LRRTM4: variants seen among roughly 807,000 people sequenced by gnomAD.
LRRTM4 encodes leucine-rich repeat transmembrane neuronal protein 4.
Under a neutral mutation model 47.6 loss-of-function variants are expected in LRRTM4, and 25 were observed. The observed-to-expected ratio is 0.53, with a 90% CI of 0.38 to 0.73. LRRTM4 has a LOEUF of 0.73. LRRTM4 is among the 30% of genes least tolerant of loss of function. LRRTM4 has a pLI of 0.00. For missense variants in LRRTM4, 638 were observed against 713.4 expected (o/e 0.89, Z 1.20); for synonymous variants, 311 against 269.5 (o/e 1.15, Z -1.51).
intron 3 of LRRTM4, among the ~76,000 whole-genome samples, chr2:76,818,837 T>A (rs756847512): frequency 1.3e-5 from 2 of 151,726 alleles, no homozygotes; most frequent in African/African-American, 2.4e-5. Flanking sequence ...ACTGAAATAA[T>A]CACATAAACT....
intron 3 of LRRTM4, among the ~76,000 whole-genome samples, chr2:76,934,815 T>C (rs1228081771): frequency 6.6e-6 from 1 of 152,146 alleles, no homozygotes; most frequent in Admixed American, 6.5e-5. Flanking sequence ...TATGAAGAAA[T>C]CCTGTAGACA....
At chr2:76,759,487 G>A (rs758613552) in intron 3 of LRRTM4, among the ~76,000 whole-genome samples, 3 of 152,062 alleles carry the variant, frequency 2.0e-5, no homozygotes, top group Non-Finnish European at 4.4e-5. Context: ...GATCTTACAG[G>A]GACACTCTTA....
intron 3 of LRRTM4, among the ~76,000 whole-genome samples, chr2:77,053,513 A>C (rs1474292813): frequency 6.6e-6 from 1 of 152,206 alleles, no homozygotes; most frequent in Non-Finnish European, 1.5e-5. Flanking sequence ...GACTACATTT[A>C]AAGTTTGCTT....
chr2:76,967,351 C>T (rs1255226970), intron 3 of LRRTM4, among the ~76,000 whole-genome samples: 1 of 151,498 alleles, frequency 6.6e-6, no homozygotes. Flanking sequence ...GAGATACTAA[C>T]AACACTATAT....
chr2:77,521,476 AT>A (rs537517281), intron 2 of LRRTM4, among the ~76,000 whole-genome samples, 191 bp downstream of exon 2: 72 of 138,670 alleles, frequency 5.2e-4, no homozygotes, highest in African/African-American at 1.8e-3. Flanking sequence ...GCATTTATAG[AT>A]TAAAAAAAAA....
chr2:77,287,264 G>A (rs1676691605), intron 3 of LRRTM4, among the ~76,000 whole-genome samples: 1 of 151,962 alleles, frequency 6.6e-6, no homozygotes, highest in Non-Finnish European at 1.5e-5. Context: ...ACCTTGTGTT[G>A]TTTTAGAACT....
chr2:77,075,625 T>TA (rs1226966392), intron 3 of LRRTM4, among the ~76,000 whole-genome samples: 1 of 152,004 alleles, frequency 6.6e-6, no homozygotes, highest in Non-Finnish European at 1.5e-5. Flanking sequence ...AATTTTGTTT[T>TA]AAAAATGGGG....
intron 3 of LRRTM4, among the ~76,000 whole-genome samples, chr2:77,151,127 G>T (rs1173772383): frequency 1.3e-5 from 2 of 151,990 alleles, no homozygotes; most frequent in African/African-American, 4.8e-5. Context: ...ATGTGTGTGT[G>T]TGTGTGTGTG....
intron 3 of LRRTM4, among the ~76,000 whole-genome samples, chr2:77,340,353 A>G (rs1265476601): frequency 6.6e-6 from 1 of 151,934 alleles, no homozygotes; most frequent in East Asian, 1.9e-4. Context: ...GGTATTTTCA[A>G]TCATAAAATT....
At chr2:76,856,223 G>C (rs1672145786) in intron 3 of LRRTM4, among the ~76,000 whole-genome samples, 1 of 152,122 alleles carries the variant, frequency 6.6e-6, no homozygotes, top group Non-Finnish European at 1.5e-5. Flanking sequence ...GTTGCAGTGA[G>C]CCAAGATTGC....
intron 3 of LRRTM4, among the ~76,000 whole-genome samples, chr2:77,308,839 T>C (rs926121069): frequency 5.3e-5 from 8 of 151,894 alleles, no homozygotes; most frequent in Admixed American, 2.0e-4. Flanking sequence ...TTATGCTTTA[T>C]TGGGGCATGG....
At chr2:77,493,279 T>C (rs1678239963) in intron 3 of LRRTM4, among the ~76,000 whole-genome samples, 1 of 151,998 alleles carries the variant, frequency 6.6e-6, no homozygotes, top group African/African-American at 2.4e-5. Flanking sequence ...GGATACAAAT[T>C]AATAAATGTC....
At chr2:76,801,153 C>T (rs1675655540) in intron 3 of LRRTM4, among the ~76,000 whole-genome samples, 1 of 152,072 alleles carries the variant, frequency 6.6e-6, no homozygotes, top group African/African-American at 2.4e-5. Context: ...CCCAGCCATC[C>T]CATTACTGGG....
chr2:77,045,777 T>C (rs940329088), intron 3 of LRRTM4, among the ~76,000 whole-genome samples: 6 of 151,862 alleles, frequency 4.0e-5, no homozygotes, highest in Non-Finnish European at 7.4e-5. Context: ...TGTAAATTGC[T>C]CAGTCTTGGG....
At chr2:76,909,924 G>A (rs1438603094) in intron 3 of LRRTM4, among the ~76,000 whole-genome samples, 1 of 152,166 alleles carries the variant, frequency 6.6e-6, no homozygotes, top group African/African-American at 2.4e-5. Context: ...CAACCATTGT[G>A]GAAGTCAGTG....
intron 3 of LRRTM4, among the ~76,000 whole-genome samples, chr2:77,275,057 T>TA (rs1006001005): frequency 2.3e-4 from 35 of 151,722 alleles, no homozygotes; most frequent in African/African-American, 6.5e-4. Context: ...GTTTAACTCT[T>TA]AAAAAAAAGA....
intron 3 of LRRTM4, among the ~76,000 whole-genome samples, chr2:77,339,119 G>T (rs1289047859): frequency 6.6e-6 from 1 of 151,286 alleles, no homozygotes; most frequent in East Asian, 1.9e-4. Flanking sequence ...AGGGGAACAA[G>T]GGTTAAAAAA....
chr2:77,324,425 T>C (rs1237252769), intron 3 of LRRTM4, among the ~76,000 whole-genome samples: 2 of 152,076 alleles, frequency 1.3e-5, no homozygotes, highest in Non-Finnish European at 2.9e-5. Flanking sequence ...TGAGAGCATA[T>C]AAATGGAGGC....
chr2:76,797,588 A>C (rs1277852575), intron 3 of LRRTM4, among the ~76,000 whole-genome samples: 1 of 151,818 alleles, frequency 6.6e-6, no homozygotes, highest in Non-Finnish European at 1.5e-5. Context: ...TAACATCATA[A>C]TGACAGGATC....
Sources: allele counts gnomAD v4.1 joint callset (sites outside exome capture counted in the v4.1 genomes callset), GRCh38; gene constraint gnomAD v4.1.1; transcripts MANE v1.5; gene names NCBI Gene and HGNC (gene_info 2026-07-23, HGNC 2026-07-21).